The following CCL4L2 variants were observed in gnomAD, a reference collection of about 807,000 sequenced individuals.
CCL4L2 encodes C-C motif chemokine 4-like.
CCL4L2 carries 3 observed loss-of-function variants against 5.9 expected under a neutral mutation model. That is an observed-to-expected ratio of 0.51 (90% CI 0.23 to 1.32). The LOEUF is 1.32. Among genes scored for constraint, CCL4L2 ranks in the 40% most tolerant of loss-of-function variants. CCL4L2 has a pLI of 0.18. For synonymous variants in CCL4L2, 36 were observed against 47.6 expected, an observed-to-expected ratio of 0.76 and a Z score of 1.00; for missense variants, 74 against 121.2, an observed-to-expected ratio of 0.61 and a Z score of 1.83.
At chr17:36,211,912 C>T in intron 2 of CCL4L2, 22 bp downstream of exon 2, 3 of 1,575,848 alleles carry the variant, frequency 1.9e-6, no homozygotes, top group Non-Finnish European at 2.6e-6. Context: ...CCCCTGGCTG[C>T]CCTGGGAGGC....
Position 36,212,182 on chromosome 17 carries a change from A to G in CCL4L2, c.192-121A>G, listed in dbSNP as rs2142233202. 4.3e-6 allele frequency: 3 copies of G among 701,910 alleles called. 1 individual carries two copies. Among genetic ancestry groups the G allele is most frequent in the Non-Finnish European group, 7.8e-6 (3 of 385,572 alleles). 43.5% of individuals were successfully genotyped at this position (701,910 alleles called of 1,614,324 possible). A position where few individuals can be genotyped will look rare whatever the true frequency, so the allele number is the denominator to read the frequency against. On this transcript the variant is annotated intron_variant, in intron 2 of 2. Coordinates refer to ENST00000617405, the MANE Select transcript of CCL4L2 (RefSeq NM_001291475.2). ...ATGGACCAATTCCTTAAACCATGCTAGAAAAACATGTGGAAAAGTCACTAC... is the reference window on the plus strand; with the variant it reads ...ATGGACCAATTCCTTAAACCATGCTGGAAAAACATGTGGAAAAGTCACTAC...
At position 36,212,298 on chromosome 17, in the gene CCL4L2, T is replaced by C. The variant is rs1256045395; in HGVS notation, c.192-5T>C. 1 of 880,442 alleles carries C rather than the reference T, an allele frequency of 1.1e-6. No individual in the cohort carries two copies. Among genetic ancestry groups the C allele is most frequent in the African/African-American group, 1.5e-5 (1 of 67,654 alleles). 54.5% of individuals were successfully genotyped at this position (880,442 alleles called of 1,614,324 possible). A position where few individuals can be genotyped will look rare whatever the true frequency, so the allele number is the denominator to read the frequency against. ...GCAACCCCTGGGGCCCACAGCTAAA[T>C]CCAGTGAGTGGAAGTTACAGGGAGT... On this transcript the variant is annotated splice_polypyrimidine_tract_variant and splice_region_variant and intron_variant, in intron 2 of 2. Transcript: ENST00000617405.
At position 36,211,818 on chromosome 17, in the gene CCL4L2, C is replaced by G; in HGVS notation, c.119C>G (p.Ala40Gly). Residue 40 changes from alanine to glycine, a missense_variant, in exon 2 of 3, where the codon GCG becomes GGG. Physicochemically the swap from Ala to Gly is moderately conservative, Grantham distance 60 (BLOSUM62 0). Coordinates refer to ENST00000617405, the MANE Select transcript of CCL4L2 (RefSeq NM_001291475.2). ...ACCGCCTGCTGCTTTTCTTACACCGCGAGGAAGCTTCCTCGCAACTTTGTG... is the reference window on the plus strand; with the variant it reads ...ACCGCCTGCTGCTTTTCTTACACCGGGAGGAAGCTTCCTCGCAACTTTGTG... 1 of 1,579,478 alleles carries G rather than the reference C, an allele frequency of 6.3e-7. No homozygotes were observed. Among genetic ancestry groups the G allele is most frequent in the Non-Finnish European group, 8.7e-7 (1 of 1,155,826 alleles).
At chr17:36,212,254 C>T (rs2068797569) in intron 2 of CCL4L2, 1 of 735,568 alleles carries the variant, frequency 1.4e-6, no homozygotes, top group African/African-American at 1.6e-5. Flanking sequence ...ATTGCAATGC[C>T]CACTGGTTCC....
rs1312743589 is a variant in CCL4L2, at chr17:36,212,206, A to G, written c.192-97A>G. ...TAGAAAAACATGTGGAAAAGTCACT[A>G]CCAGGCTGGCAGGGAATGGGGCAAT... On this transcript the variant is annotated intron_variant, in intron 2 of 2. Coordinates refer to ENST00000617405, the MANE Select transcript of CCL4L2 (RefSeq NM_001291475.2). 19 of 708,920 alleles carry G rather than the reference A, an allele frequency of 2.7e-5. 1 individual carries two copies. The highest frequency in any genetic ancestry group is 1.2e-4 in the South Asian group (8 of 66,016). The allele number at this position is 708,920 out of a possible 1,614,324, so 43.9% of individuals were successfully genotyped here.
At position 36,212,473 on chromosome 17, in the gene CCL4L2, G is replaced by C. The variant is rs565571880; in HGVS notation, c.*50G>C. The stretch of plus-strand genomic sequence containing the variant: ...TGGGATTCTAATCTGTCTGCTCCTT[G>C]TTCTACGGATTCCAAACCAAAAGAG... On this transcript the variant is annotated 3_prime_UTR_variant, in exon 3 of 3. Coordinates refer to ENST00000617405, the MANE Select transcript of CCL4L2 (RefSeq NM_001291475.2). The C allele has an allele frequency of 6.3e-7, 1 of 1,581,270 alleles. No individual in the cohort carries two copies. Among genetic ancestry groups the C allele is most frequent in the African/African-American group, 1.3e-5 (1 of 74,736 alleles).
chr17:36,211,824 A>T lies in CCL4L2; in HGVS notation c.125A>T (p.Lys42Met). The T allele has an allele frequency of 6.3e-7, 1 of 1,579,342 alleles. No individual in the cohort carries two copies. Among genetic ancestry groups the T allele is most frequent in the South Asian group, 1.1e-5 (1 of 89,038 alleles). The stretch of plus-strand genomic sequence containing the variant: ...TGCTGCTTTTCTTACACCGCGAGGA[A>T]GCTTCCTCGCAACTTTGTGGTAGAT... Residue 42 changes from lysine to methionine, a missense_variant, in exon 2 of 3, where the codon AAG becomes ATG. Physicochemically the swap from Lys to Met is moderately conservative, Grantham distance 95 (BLOSUM62 -1). Coordinates refer to ENST00000617405, the MANE Select transcript of CCL4L2 (RefSeq NM_001291475.2).
chr17:36,212,605 C>T lies in CCL4L2; in HGVS notation c.*182C>T, dbSNP rs2068810058. 2.5e-6 allele frequency: 4 copies of T among 1,576,382 alleles called. No homozygotes were observed. In the African/African-American group the frequency reaches 4.0e-5, roughly 16 times the overall value. ...GACAGGAAGTCTTCAGGGAAGGTCA[C>T]CTGAGCCTGGATGCTTCTCCATGAG... On this transcript the variant is annotated 3_prime_UTR_variant, in exon 3 of 3. Transcript: ENST00000617405.
rs879207348 is a variant in CCL4L2, at chr17:36,212,633, G to A, written c.*210G>A. 2.4e-4 allele frequency: 369 copies of A among 1,528,650 alleles called. 35 individuals carry two copies. In the South Asian group the frequency reaches 3.4e-3, roughly 14 times the overall value. The allele number at this position is 1,528,650 out of a possible 1,614,324, so 94.7% of individuals were successfully genotyped here. ...GAGCCTGGATGCTTCTCCATGAGCC[G>A]CATCTCCTCCATACTCAGGACTCCT... On this transcript the variant is annotated 3_prime_UTR_variant, in exon 3 of 3. Coordinates refer to ENST00000617405, the MANE Select transcript of CCL4L2 (RefSeq NM_001291475.2).
intron 1 of CCL4L2, 94 bp downstream of exon 1, chr17:36,211,311 G>C: frequency 7.0e-7 from 1 of 1,418,878 alleles, no homozygotes; most frequent in Admixed American, 1.7e-5. Flanking sequence ...TCTGGGGATG[G>C]GACAAAAGGC....
chr17:36,212,144 G>C, intron 2 of CCL4L2: 1 of 698,102 alleles, frequency 1.4e-6, no homozygotes, highest in Non-Finnish European at 2.6e-6. Context: ...AAGGCAGACA[G>C]GTCCCGTGAG....
Position 36,211,103 on chromosome 17 carries a change from C to T in CCL4L2, c.-39C>T. ...TAGGTTCTGAAGCTTCTGAGTTCTG[C>T]AGCCTCACCTCTGAGAAAACCTCTT... On this transcript the variant is annotated 5_prime_UTR_variant, in exon 1 of 3. Coordinates refer to ENST00000617405, the MANE Select transcript of CCL4L2 (RefSeq NM_001291475.2). 2 of 1,571,302 alleles carry T rather than the reference C, an allele frequency of 1.3e-6. No homozygotes were observed. The highest frequency in any genetic ancestry group is 2.3e-5 in the South Asian group (2 of 88,888).
Position 36,211,772 on chromosome 17 carries a change from T to C in CCL4L2, c.77-4T>C. The stretch of plus-strand genomic sequence containing the variant: ...GTTGATCTCACCCTGGCCTTTCCTT[T>C]CAGTGGGCTCAGACCCTCCCACCGC... On this transcript the variant is annotated splice_region_variant and splice_polypyrimidine_tract_variant and intron_variant, in intron 1 of 2. Transcript: ENST00000617405. 3 of 1,574,614 alleles carry C rather than the reference T, an allele frequency of 1.9e-6. No individual in the cohort carries two copies. Among genetic ancestry groups the C allele is most frequent in the Non-Finnish European group, 1.7e-6 (2 of 1,152,008 alleles).
At position 36,212,151 on chromosome 17, in the gene CCL4L2, T is replaced by C. The variant is rs1334766985; in HGVS notation, c.192-152T>C. 5 of 696,148 alleles carry C rather than the reference T, an allele frequency of 7.2e-6. No homozygotes were observed. In the African/African-American group the frequency reaches 8.5e-5, roughly 12 times the overall value. 43.1% of individuals were successfully genotyped at this position (696,148 alleles called of 1,614,324 possible). A position where few individuals can be genotyped will look rare whatever the true frequency, so the allele number is the denominator to read the frequency against. The stretch of plus-strand genomic sequence containing the variant: ...AGCAGGGGAAGGCAGACAGGTCCCG[T>C]GAGATATGGACCAATTCCTTAAACC... On this transcript the variant is annotated intron_variant, in intron 2 of 2. Transcript: ENST00000617405.
In CCL4L2 at chr17:36,211,163, CTG is replaced by C; in HGVS notation, c.24_25del (p.Leu10ProfsTer43). On this transcript the variant is annotated frameshift_variant, in exon 1 of 3. Coordinates refer to ENST00000617405, the MANE Select transcript of CCL4L2 (RefSeq NM_001291475.2). LOFTEE classifies it high-confidence loss of function. ...TACCATGAAGCTCTGCGTGACTGTC[CTG>C]TCTCTCCTCGTGCTAGTAGCTGCCT... 6.3e-7 allele frequency: 1 copy of C among 1,581,746 alleles called. No homozygotes were observed. Among genetic ancestry groups the C allele is most frequent in the South Asian group, 1.1e-5 (1 of 89,110 alleles).
At position 36,212,419 on chromosome 17, in the gene CCL4L2, G is replaced by T; in HGVS notation, c.308G>T (p.Gly103Val). Reference sequence around the variant, plus strand: ...AGGAAGATGCCTACCACAGGCAAGGGATAAAGCCAGATGACCTCAAAGGTC... The same window carrying T: ...AGGAAGATGCCTACCACAGGCAAGGTATAAAGCCAGATGACCTCAAAGGTC... The change falls in exon 3 of 3, where the codon GGA (glycine) becomes GTA (valine). Residue 103 changes from glycine (G) to valine (V), a missense_variant. By Grantham distance (109) the Gly-to-Val change is moderately radical. Coordinates refer to ENST00000617405, the MANE Select transcript of CCL4L2 (RefSeq NM_001291475.2). 1 of 1,557,870 alleles carries T rather than the reference G, an allele frequency of 6.4e-7. No homozygotes were observed. Among genetic ancestry groups the T allele is most frequent in the Admixed American group, 1.7e-5 (1 of 59,070 alleles).
Position 36,212,588 on chromosome 17 carries a change from G to GT in CCL4L2, c.*166dup. The GT allele has an allele frequency of 6.3e-7, 1 of 1,581,192 alleles. No homozygotes were observed. ...GAACTGAGCTGCTCAGAGACAGGAA[G>GT]TCTTCAGGGAAGGTCACCTGAGCCT... On this transcript the variant is annotated 3_prime_UTR_variant, in exon 3 of 3. Transcript: ENST00000617405.
Position 36,211,812 on chromosome 17 carries a change from A to C in CCL4L2, c.113A>C (p.Tyr38Ser). The stretch of plus-strand genomic sequence containing the variant: ...CCTCCCACCGCCTGCTGCTTTTCTT[A>C]CACCGCGAGGAAGCTTCCTCGCAAC... Residue 38 changes from tyrosine to serine, a missense_variant, in exon 2 of 3, where the codon TAC becomes TCC. Physicochemically the swap from Tyr to Ser is moderately radical, Grantham distance 144. Coordinates refer to ENST00000617405, the MANE Select transcript of CCL4L2 (RefSeq NM_001291475.2). 6.3e-7 allele frequency: 1 copy of C among 1,578,776 alleles called. No homozygotes were observed. The highest frequency in any genetic ancestry group is 1.1e-5 in the South Asian group (1 of 89,022).
Position 36,211,356 on chromosome 17 carries a change from T to G in CCL4L2, c.76+139T>G, listed in dbSNP as rs1263188763. ...GATTGCCATGTAGTCTGCTGCTAAA[T>G]GTAGAGTCTAGTAGATATTCAGTAA... On this transcript the variant is annotated intron_variant, in intron 1 of 2. Coordinates refer to ENST00000617405, the MANE Select transcript of CCL4L2 (RefSeq NM_001291475.2). 1.1e-5 allele frequency: 12 copies of G among 1,108,068 alleles called. 2 individuals carry two copies. In the East Asian group the frequency reaches 2.7e-4, roughly 25 times the overall value. 68.6% of individuals were successfully genotyped at this position (1,108,068 alleles called of 1,614,324 possible). A position where few individuals can be genotyped will look rare whatever the true frequency, so the allele number is the denominator to read the frequency against.
Sources: allele counts gnomAD v4.1 joint callset, GRCh38; gene constraint gnomAD v4.1.1; transcripts MANE v1.5; gene names NCBI Gene and HGNC (gene_info 2026-07-23, HGNC 2026-07-21).